The following DSG4 variants were observed in gnomAD, a reference collection of about 807,000 sequenced individuals.
The protein encoded by DSG4 is desmoglein 4.
Under a neutral mutation model 93.1 loss-of-function variants are expected in DSG4, and 87 were observed. The ratio of observed to expected loss-of-function variants is 0.93; its 90% CI spans 0.79 to 1.12. DSG4 has a LOEUF of 1.12. DSG4 is among the 50% of genes most tolerant of loss of function. The pLI is 0.00. For missense variants in DSG4, 1,373 were observed against 1,285.7 expected, an observed-to-expected ratio of 1.07 and a Z score of -1.04; for synonymous variants, 432 against 452.9, an observed-to-expected ratio of 0.95 and a Z score of 0.59.
chr18:31,387,062 C>G (rs545431128), intron 3 of DSG4, among the ~76,000 whole-genome samples: 14 of 152,228 alleles, frequency 9.2e-5, no homozygotes, highest in Admixed American at 8.5e-4. Context: ...GGGCTTTGTT[C>G]ATCCATTTGT....
intron 12 of DSG4, 33 bp downstream of exon 12, chr18:31,406,406 G>T: frequency 1.2e-6 from 2 of 1,613,372 alleles, no homozygotes; most frequent in African/African-American, 2.7e-5. Flanking sequence ...CTTTTCAATA[G>T]TTCTTCAAAA....
intron 11 of DSG4, among the ~76,000 whole-genome samples, chr18:31,404,236 A>G (rs2072400792): frequency 1.3e-5 from 2 of 152,248 alleles, no homozygotes; most frequent in Non-Finnish European, 2.9e-5. Flanking sequence ...AGAATTATGC[A>G]AAGTATGTAG....
chr18:31,409,913 T>TGGGTGACAGTATAATTAGA, intron 14 of DSG4, 105 bp downstream of exon 14: 1 of 1,282,190 alleles, frequency 7.8e-7, no homozygotes, highest in Non-Finnish European at 1.1e-6. Context: ...TCAGTCTCTT[T>TGGGTGACAGTATAATTAGA]GGGTGACAGT....
Position 31,413,859 on chromosome 18 carries a change from G to A in DSG4, c.*264G>A, listed in dbSNP as rs1174436229. On this transcript the variant is annotated 3_prime_UTR_variant, in exon 16 of 16. Coordinates refer to ENST00000308128, the MANE Select transcript of DSG4 (RefSeq NM_177986.5). The stretch of plus-strand genomic sequence containing the variant: ...ATTGCATCCCTTGATACTGTCTAAC[G>A]AATAGCACATAACTCATATTGTGAA... 1.7e-5 allele frequency: 7 copies of A among 416,120 alleles called. No individual in the cohort carries two copies. Among genetic ancestry groups the A allele is most frequent in the South Asian group, 4.5e-5 (2 of 44,088 alleles). 25.8% of individuals were successfully genotyped at this position (416,120 alleles called of 1,614,324 possible).
intron 6 of DSG4, 82 bp downstream of exon 6, chr18:31,390,904 C>G (rs1285158232): frequency 1.9e-6 from 3 of 1,542,144 alleles, no homozygotes; most frequent in Non-Finnish European, 2.6e-6. Context: ...TGTACCCTTA[C>G]TCCAATATAA....
chr18:31,409,724 A>T, intron 13 of DSG4, 21 bp from the exon 14 acceptor site: 4 of 1,614,166 alleles, frequency 2.5e-6, no homozygotes, highest in Non-Finnish European at 3.4e-6. Flanking sequence ...TTGTTTTTAA[A>T]ATGTTTATTT....
rs1255210464 is a variant in DSG4 at position 31,388,881 on chromosome 18, G to C, written c.380G>C (p.Cys127Ser). The C allele has an allele frequency of 1.2e-6, 2 of 1,613,446 alleles. No homozygotes were observed. The highest frequency in any genetic ancestry group is 2.2e-5 in the South Asian group (2 of 91,050). Residue 127 changes from cysteine (C) to serine (S), a missense_variant, in exon 5 of 16, where the codon TGC becomes TCC. Cys to Ser is a moderately radical substitution (Grantham distance 112, BLOSUM62 -1). Transcript: ENST00000308128. ...TTTTCCAATTTTCCACAGATCTATTGCCGGGCTCTGAATTCACGGGGTGAA... is the reference window on the plus strand; with the variant it reads ...TTTTCCAATTTTCCACAGATCTATTCCCGGGCTCTGAATTCACGGGGTGAA... Reference protein sequence around the residue: ...REITPLFLIYCRALNSRGEDL... With the variant: ...REITPLFLIYSRALNSRGEDL...
At position 31,385,146 on chromosome 18, in the gene DSG4, A is replaced by T. The variant is rs911811526; in HGVS notation, c.59A>T (p.Glu20Val). 6.2e-7 allele frequency: 1 copy of T among 1,600,326 alleles called. No individual in the cohort carries two copies. Among genetic ancestry groups the T allele is most frequent in the Non-Finnish European group, 8.5e-7 (1 of 1,171,356 alleles). ...CLLIILMVVMEVNSEFIVEVK... is the reference protein window; with the variant it reads ...CLLIILMVVMVVNSEFIVEVK... ...CTTCTATCAAAACAGGTGGTGATGGAAGTAAACAGTGAATTTATTGTTGAG... is the reference window on the plus strand; with the variant it reads ...CTTCTATCAAAACAGGTGGTGATGGTAGTAAACAGTGAATTTATTGTTGAG... Residue 20 changes from glutamate to valine, a missense_variant, in exon 2 of 16, where the codon GAA (glutamate) becomes GTA (valine). By Grantham distance (121) the Glu-to-Val change is moderately radical (BLOSUM62 -2). Transcript: ENST00000308128.
intron 14 of DSG4, among the ~76,000 whole-genome samples, chr18:31,410,243 C>T (rs574593314): frequency 4.9e-4 from 75 of 152,148 alleles, no homozygotes; most frequent in African/African-American, 1.7e-3. Context: ...GACATTTAAC[C>T]TCACTGGGCC....
chr18:31,395,838 C>A (rs576445865), intron 8 of DSG4, among the ~76,000 whole-genome samples: 12 of 152,074 alleles, frequency 7.9e-5, no homozygotes, highest in African/African-American at 2.4e-4. Flanking sequence ...AAGTCTCTAG[C>A]GAAAGATGGG....
At chr18:31,383,575 T>C (rs1319472342) in intron 1 of DSG4, among the ~76,000 whole-genome samples, 1 of 151,988 alleles carries the variant, frequency 6.6e-6, no homozygotes, top group Non-Finnish European at 1.5e-5. Context: ...AAAACTCAAG[T>C]TTAAAATACT....
At chr18:31,377,039 G>T in intron 1 of DSG4, 80 bp downstream of exon 1, 2 of 1,442,188 alleles carry the variant, frequency 1.4e-6, no homozygotes, top group Non-Finnish European at 1.9e-6. Flanking sequence ...TTCTACATGG[G>T]ATTTATTCCA....
rs202242359 is a variant in DSG4 at position 31,393,152 on chromosome 18, C to A, written c.1005+812C>A. 6.6e-5 allele frequency among the ~76,000 whole-genome samples: 10 copies of A among 151,742 alleles called. 1 individual carries two copies. In the South Asian group the frequency reaches 1.0e-3, roughly 16 times the overall value. On this transcript the variant is annotated intron_variant, in intron 8 of 15. Transcript: ENST00000308128. ...TATTTTTTAACAAAGGAAATTGCTG[C>A]TAACAACATAAACAACACTTATAGC...
intron 3 of DSG4, among the ~76,000 whole-genome samples, chr18:31,387,828 T>C (rs757450201): frequency 6.6e-6 from 1 of 152,118 alleles, no homozygotes; most frequent in Non-Finnish European, 1.5e-5. Context: ...TAAAGCAAAA[T>C]CTGTGTGGCA....
chr18:31,403,928 T>C (rs1181054874), intron 11 of DSG4, among the ~76,000 whole-genome samples: 1 of 152,170 alleles, frequency 6.6e-6, no homozygotes, highest in Admixed American at 6.5e-5. Flanking sequence ...ATTTATTCAG[T>C]TTAAAATAAA....
At chr18:31,404,393 A>G (rs2072402293) in intron 11 of DSG4, among the ~76,000 whole-genome samples, 1 of 152,248 alleles carries the variant, frequency 6.6e-6, no homozygotes, top group African/African-American at 2.4e-5. Context: ...ATAACATTTT[A>G]TCTACCTTGC....
chr18:31,388,575 TC>T (rs2072214676), intron 4 of DSG4, 53 bp downstream of exon 4: 3 of 1,602,076 alleles, frequency 1.9e-6, no homozygotes, highest in Non-Finnish European at 2.6e-6. Context: ...CTTCCCTTTT[TC>T]AAAAAATATT....
Position 31,388,894 on chromosome 18 carries a change from T to C in DSG4, c.393T>C (p.Asn131=). 2 of 1,613,658 alleles carry C rather than the reference T, an allele frequency of 1.2e-6. No homozygotes were observed. Among genetic ancestry groups the C allele is most frequent in the Admixed American group, 1.7e-5 (1 of 59,996 alleles). ...CACAGATCTATTGCCGGGCTCTGAA[T>C]TCACGGGGTGAAGATTTAGAAAGGC... ...PLFLIYCRAL[N]SRGEDLERPL... is the part of the protein sequence containing the mutation. The change falls in exon 5 of 16, where the codon AAT becomes AAC. Residue 131 remains asparagine (N), a synonymous_variant. Transcript: ENST00000308128.
At chr18:31,399,135 A>T in intron 8 of DSG4, 137 bp from the exon 9 acceptor site, 2 of 1,117,804 alleles carry the variant, frequency 1.8e-6, no homozygotes, top group East Asian at 2.4e-5. Flanking sequence ...AATAAGTAAA[A>T]TTTTTTTCAA....
Sources: gnomAD v4.1 joint callset for allele counts (sites outside exome capture counted in the v4.1 genomes callset) on GRCh38, gnomAD v4.1.1 for gene constraint, MANE v1.5 for transcripts, NCBI Gene and HGNC (gene_info 2026-07-23, HGNC 2026-07-21) for gene names.